Variants in FRMPD4 observed in about 807,000 individuals in gnomAD.
FRMPD4 encodes FERM and PDZ domain-containing protein 4.
A neutral mutation model predicts 94.1 loss-of-function variants in FRMPD4; 22 were observed. That is an observed-to-expected ratio of 0.23 (90% confidence interval 0.17 to 0.33). The LOEUF is 0.33. FRMPD4 is among the 10% of genes least tolerant of loss of function. The pLI is 1.00. For synonymous variants in FRMPD4, 631 were observed against 548.6 expected (o/e 1.15, Z -2.10); for missense variants, 1,111 against 1,339.9 (o/e 0.83, Z 2.67).
intron 3 of FRMPD4, among the ~76,000 whole-genome samples, chrX:11,917,313 C>T (rs2054029930): frequency 1.8e-5 from 2 of 111,756 alleles, no homozygotes; most frequent in Non-Finnish European, 3.8e-5. Context: ...TCATTAAACC[C>T]CTATAGAAAA....
chrX:12,438,431 G>A (rs1415138298), intron 1 of FRMPD4, among the ~76,000 whole-genome samples: 2 of 108,362 alleles, frequency 1.8e-5, no homozygotes, highest in Non-Finnish European at 3.8e-5. Context: ...GACTCTTACT[G>A]AAAAGACAGT....
intron 2 of FRMPD4, among the ~76,000 whole-genome samples, chrX:12,596,771 TG>T (rs2059035397): frequency 9.0e-6 from 1 of 111,470 alleles, no homozygotes; most frequent in South Asian, 3.8e-4. Flanking sequence ...TTTTCCAATG[TG>T]GTCATACCAT....
intron 1 of FRMPD4, among the ~76,000 whole-genome samples, chrX:12,213,207 A>G (rs1360973113): frequency 8.9e-6 from 1 of 111,947 alleles, no homozygotes; most frequent in Non-Finnish European, 1.9e-5. Context: ...CCAGAATGGA[A>G]TATACTGCCA....
intron 1 of FRMPD4, among the ~76,000 whole-genome samples, chrX:12,143,202 A>C (rs1192159006): frequency 8.9e-6 from 1 of 112,516 alleles, no homozygotes; most frequent in Non-Finnish European, 1.9e-5. Context: ...AAAGCTAATC[A>C]TAGCAGGAAA....
At chrX:12,364,440 C>G (rs2056043806) in intron 1 of FRMPD4, among the ~76,000 whole-genome samples, 1 of 111,205 alleles carries the variant, frequency 9.0e-6, no homozygotes, top group Admixed American at 9.5e-5. Context: ...TCGGCCTGCT[C>G]TGGGGCAAAG....
At chrX:11,915,140 A>G (rs1399535959) in intron 3 of FRMPD4, among the ~76,000 whole-genome samples, 3 of 112,528 alleles carry the variant, frequency 2.7e-5, no homozygotes, top group African/African-American at 9.7e-5. Flanking sequence ...ATACTATTGG[A>G]TGTTAACCTT....
chrX:11,874,675 A>G (rs1001898591), intron 2 of FRMPD4, among the ~76,000 whole-genome samples: 1 of 111,869 alleles, frequency 8.9e-6, no homozygotes, highest in Non-Finnish European at 1.9e-5. Flanking sequence ...CTTGCAATGT[A>G]GGGCAGAATG....
intron 1 of FRMPD4, among the ~76,000 whole-genome samples, chrX:11,845,689 G>A (rs2053571475): frequency 9.0e-6 from 1 of 110,745 alleles, no homozygotes; most frequent in Non-Finnish European, 1.9e-5. Flanking sequence ...CAATGATCAA[G>A]TGGGCTTCAT....
chrX:11,840,138 G>A (rs971736002), intron 1 of FRMPD4, among the ~76,000 whole-genome samples: 1 of 111,227 alleles, frequency 9.0e-6, no homozygotes, highest in Non-Finnish European at 1.9e-5. Context: ...GGATTATATT[G>A]AATCTGTAGA....
At chrX:12,528,404 T>G (rs989492517) in intron 2 of FRMPD4, among the ~76,000 whole-genome samples, 1 of 97,121 alleles carries the variant, frequency 1.0e-5, no homozygotes, top group African/African-American at 3.8e-5. Flanking sequence ...CACTGCAACC[T>G]CCACCTTCTG....
chrX:11,851,985 G>A (rs1601805199), intron 1 of FRMPD4, among the ~76,000 whole-genome samples: 1 of 108,599 alleles, frequency 9.2e-6, no homozygotes, highest in African/African-American at 3.3e-5. Context: ...GAGATAGACA[G>A]TGGGGTTCTA....
chrX:11,902,845 G>A (rs1449159688), intron 3 of FRMPD4, among the ~76,000 whole-genome samples: 2 of 111,831 alleles, frequency 1.8e-5, no homozygotes, highest in African/African-American at 3.3e-5. Flanking sequence ...AAGAGCAAAC[G>A]TGAGGGCAGG....
intron 1 of FRMPD4, among the ~76,000 whole-genome samples, chrX:12,464,237 G>GA (rs758419672): frequency 1.8e-5 from 2 of 111,562 alleles, no homozygotes; most frequent in Non-Finnish European, 3.8e-5. Context: ...GAAAAGTGGG[G>GA]AGACCTCATA....
chrX:12,165,650 A>G (rs1339661323), intron 1 of FRMPD4, among the ~76,000 whole-genome samples: 2 of 111,519 alleles, frequency 1.8e-5, no homozygotes, highest in East Asian at 5.6e-4. Flanking sequence ...CAGTATGGCC[A>G]TTTTCACGAT....
intron 1 of FRMPD4, among the ~76,000 whole-genome samples, chrX:12,200,586 A>T (rs2056619830): frequency 9.0e-6 from 1 of 111,457 alleles, no homozygotes. Context: ...CTCCCACCTT[A>T]GTCTCCCAAA....
rs905866654 is a variant in FRMPD4 at position 12,595,418 on chromosome X, A to G, written c.159-14303A>G. Among the ~76,000 whole-genome samples, 3 of 112,066 alleles carry G rather than the reference A, an allele frequency of 2.7e-5. No homozygotes were observed. The East Asian group carries it at 8.3e-4, about 31-fold the overall frequency. On this transcript the variant is annotated intron_variant, in intron 2 of 16. Transcript: ENST00000675598. ...TTAATTAGATACCCATAAAACTGCT[A>G]AACATATGTCATTAAAAAGTCCATG...
intron 14 of FRMPD4, among the ~76,000 whole-genome samples, chrX:12,712,771 C>T (rs954161968): frequency 8.9e-6 from 1 of 111,869 alleles, no homozygotes; most frequent in Non-Finnish European, 1.9e-5. Context: ...CAATTTAATG[C>T]TGACCTTAGA....
chrX:11,861,478 T>C (rs780245694), intron 1 of FRMPD4, among the ~76,000 whole-genome samples: 8 of 111,544 alleles, frequency 7.2e-5, no homozygotes, highest in Non-Finnish European at 1.9e-5. Context: ...ATAAAGAAGG[T>C]CATTTAGCTT....
intron 1 of FRMPD4, among the ~76,000 whole-genome samples, chrX:12,440,889 GC>G (rs1364344173): frequency 1.8e-5 from 2 of 111,302 alleles, no homozygotes; most frequent in Non-Finnish European, 3.8e-5. Flanking sequence ...ATAGTGAAGG[GC>G]CCTACTCCCC....
Sources: gnomAD v4.1 joint callset for allele counts (sites outside exome capture counted in the v4.1 genomes callset) on GRCh38, gnomAD v4.1.1 for gene constraint, MANE v1.5 for transcripts, NCBI Gene and HGNC (gene_info 2026-07-23, HGNC 2026-07-21) for gene names.